The following ARMH4 variants were observed in gnomAD, a reference collection of about 807,000 sequenced individuals.
ARMH4 encodes armadillo-like helical domain-containing protein 4.
In ARMH4, 49 loss-of-function variants were observed where a neutral mutation model predicts 61.9. The observed-to-expected ratio is 0.79, with a 90% CI of 0.63 to 1.00. ARMH4 has a LOEUF of 1.00. Among genes scored for constraint, ARMH4 ranks in the 50% least tolerant of loss-of-function variants. The pLI is 0.00. For missense variants in ARMH4, 934 were observed against 930.0 expected (o/e 1.00, Z -0.06); for synonymous variants, 368 against 341.5 (o/e 1.08, Z -0.85).
intron 5 of ARMH4, among the ~76,000 whole-genome samples, chr14:58,058,101 C>T (rs178486): frequency 0.59 from 89,853 of 152,012 alleles, 27,310 homozygotes; most frequent in East Asian, 0.73. Flanking sequence ...CCCAGTATCA[C>T]GGGAAATTGG....
intron 2 of ARMH4, 83 bp from the exon 3 acceptor site, chr14:58,133,424 GGGGGA>G: frequency 7.4e-7 from 1 of 1,351,806 alleles, no homozygotes; most frequent in Non-Finnish European, 1.0e-6. Context: ...TAAAAACTTG[GGGGGA>G]GGGGAGCAGA....
At chr14:58,051,911 A>T (rs1884156187) in intron 5 of ARMH4, among the ~76,000 whole-genome samples, 1 of 152,096 alleles carries the variant, frequency 6.6e-6, no homozygotes, top group Admixed American at 6.5e-5. Flanking sequence ...TTAACAACTC[A>T]AATATACAGA....
intron 5 of ARMH4, among the ~76,000 whole-genome samples, chr14:58,075,115 G>A (rs1490805637): frequency 1.3e-5 from 2 of 152,206 alleles, no homozygotes; most frequent in African/African-American, 4.8e-5. Context: ...ACAGATGTTG[G>A]AGAGGATGTG....
At chr14:58,113,337 A>G (rs575754371) in intron 4 of ARMH4, among the ~76,000 whole-genome samples, 108 of 152,304 alleles carry the variant, frequency 7.1e-4, no homozygotes, top group African/African-American at 2.4e-3. Context: ...TTGTATTAAC[A>G]TAGCACAATT....
chr14:58,098,020 C>T (rs1174162317), intron 4 of ARMH4, among the ~76,000 whole-genome samples: 1 of 152,144 alleles, frequency 6.6e-6, no homozygotes, highest in East Asian at 1.9e-4. Flanking sequence ...CTGGTAAGTG[C>T]CCACAAAGTT....
chr14:58,010,225 C>T (rs1000204331), intron 6 of ARMH4, among the ~76,000 whole-genome samples: 2 of 143,582 alleles, frequency 1.4e-5, no homozygotes, highest in Non-Finnish European at 3.1e-5. Flanking sequence ...GATGGACAAA[C>T]AGAGAGTGAG....
intron 6 of ARMH4, among the ~76,000 whole-genome samples, chr14:58,008,139 T>G (rs28570575): frequency 0.019 from 2,844 of 152,328 alleles, 94 homozygotes; most frequent in African/African-American, 0.063. Context: ...ATACTCCAGC[T>G]AATAACTGCA....
chr14:58,013,746 A>G (rs1319262690), intron 5 of ARMH4, among the ~76,000 whole-genome samples: 1 of 152,180 alleles, frequency 6.6e-6, no homozygotes, highest in Admixed American at 6.5e-5. Flanking sequence ...CCAGAGAGTA[A>G]GGTGTCATTG....
chr14:58,150,498 C>A (rs11627221), intron 1 of ARMH4, among the ~76,000 whole-genome samples: 66,400 of 151,996 alleles, frequency 0.44, 15,640 homozygotes, highest in Non-Finnish European at 0.54. Flanking sequence ...CATTTTGATT[C>A]TACACTTATA....
chr14:58,013,302 C>T (rs1282065438), intron 5 of ARMH4, among the ~76,000 whole-genome samples: 1 of 152,158 alleles, frequency 6.6e-6, no homozygotes, highest in African/African-American at 2.4e-5. Context: ...AGCTATGTTC[C>T]AATAAACTTT....
At position 58,032,521 on chromosome 14, in the gene ARMH4, A is replaced by G. The variant is rs577785905; in HGVS notation, c.2090-20371T>C. Reference sequence around the variant, plus strand: ...TACATAGAAAAATACATCTAAAGAAACATTTAAAGAAATACTTAGGGGAGG... The same window carrying G: ...TACATAGAAAAATACATCTAAAGAAGCATTTAAAGAAATACTTAGGGGAGG... On this transcript the variant is annotated intron_variant, in intron 5 of 7. Transcript: ENST00000267485. Among the ~76,000 whole-genome samples the G allele has an allele frequency of 2.0e-5, 3 of 152,338 alleles. No homozygotes were observed. The South Asian group carries it at 6.2e-4, about 32-fold the overall frequency.
intron 5 of ARMH4, among the ~76,000 whole-genome samples, chr14:58,089,220 T>C (rs547923418): frequency 2.0e-5 from 3 of 152,350 alleles, no homozygotes; most frequent in Admixed American, 1.3e-4. Flanking sequence ...CTTAACATGT[T>C]ATACATCAAA....
At chr14:58,125,879 A>G (rs1035016348) in intron 4 of ARMH4, among the ~76,000 whole-genome samples, 1 of 152,230 alleles carries the variant, frequency 6.6e-6, no homozygotes, top group Admixed American at 6.5e-5. Flanking sequence ...CTAGCTGGGA[A>G]GGTGACCACG....
At chr14:58,026,122 A>G (rs1280882903) in intron 5 of ARMH4, among the ~76,000 whole-genome samples, 2 of 152,100 alleles carry the variant, frequency 1.3e-5, no homozygotes, top group East Asian at 1.9e-4. Context: ...CTGATAAACT[A>G]TAAACCACAT....
intron 4 of ARMH4, among the ~76,000 whole-genome samples, chr14:58,119,893 A>G (rs1404103913): frequency 6.6e-6 from 1 of 152,190 alleles, no homozygotes; most frequent in Non-Finnish European, 1.5e-5. Flanking sequence ...GTATCTATTC[A>G]CCACTCTTTA....
intron 4 of ARMH4, among the ~76,000 whole-genome samples, chr14:58,101,819 G>C (rs1249259287): frequency 2.0e-5 from 3 of 152,102 alleles, no homozygotes; most frequent in African/African-American, 7.2e-5. Context: ...GGTGTGGAGA[G>C]GAGGGCAGGT....
chr14:58,101,064 C>A (rs1209329089), intron 4 of ARMH4: 4 of 170,286 alleles, frequency 2.3e-5, no homozygotes, highest in Admixed American at 2.3e-4. Flanking sequence ...CTCATTGATG[C>A]AACCAGGGTG....
At chr14:58,040,283 T>C (rs1883642915) in intron 5 of ARMH4, among the ~76,000 whole-genome samples, 1 of 152,112 alleles carries the variant, frequency 6.6e-6, no homozygotes, top group South Asian at 2.1e-4. Context: ...TAGTACCCAG[T>C]CGTTGTTTGT....
chr14:58,094,057 C>T (rs1885664089), intron 5 of ARMH4, among the ~76,000 whole-genome samples: 2 of 152,098 alleles, frequency 1.3e-5, no homozygotes, highest in African/African-American at 2.4e-5. Context: ...TGGCTGGGCA[C>T]GGTGGGTCAT....
Sources: gnomAD v4.1 joint callset for allele counts (sites outside exome capture counted in the v4.1 genomes callset) on GRCh38, gnomAD v4.1.1 for gene constraint, MANE v1.5 for transcripts, NCBI Gene and HGNC (gene_info 2026-07-23, HGNC 2026-07-21) for gene names.